TP53BP2: variants seen among roughly 807,000 people sequenced by gnomAD.
TP53BP2 encodes tumor protein p53 binding protein 2.
Under a neutral mutation model 126.2 loss-of-function variants are expected in TP53BP2, and 62 were observed. That is an observed-to-expected ratio of 0.49 (90% CI 0.40 to 0.61). TP53BP2 has a LOEUF of 0.61. TP53BP2 is among the 20% of genes least tolerant of loss of function. The pLI is 0.00. For synonymous variants in TP53BP2, 485 were observed against 502.9 expected, an observed-to-expected ratio of 0.96 and a Z score of 0.48; for missense variants, 1,215 against 1,402.8, an observed-to-expected ratio of 0.87 and a Z score of 2.14.
chr1:223,825,499 T>C (rs1230861527), intron 1 of TP53BP2, among the ~76,000 whole-genome samples: 1 of 152,214 alleles, frequency 6.6e-6, no homozygotes, highest in East Asian at 1.9e-4. Context: ...TGATTTATTT[T>C]CACGGTCAGT....
chr1:223,802,939 GA>G, intron 7 of TP53BP2, 44 bp from the exon 8 acceptor site: 1 of 1,605,656 alleles, frequency 6.2e-7, no homozygotes, highest in Non-Finnish European at 8.5e-7. Flanking sequence ...GGAGTAGGAA[GA>G]AAATGTCTCA....
At chr1:223,791,561 GCTAA>G (rs1223665529) in intron 15 of TP53BP2, among the ~76,000 whole-genome samples, 1 of 152,144 alleles carries the variant, frequency 6.6e-6, no homozygotes. Context: ...GTAATACGAG[GCTAA>G]CTGAAATGTA....
At chr1:223,845,513 G>C in intron 1 of TP53BP2, 141 bp downstream of exon 1, 2 of 965,212 alleles carry the variant, frequency 2.1e-6, no homozygotes, top group Non-Finnish European at 1.4e-6. Context: ...AAACCCGCTC[G>C]AAGCTCGGAA....
At chr1:223,836,946 A>G (rs1455238340) in intron 1 of TP53BP2, among the ~76,000 whole-genome samples, 1 of 152,104 alleles carries the variant, frequency 6.6e-6, no homozygotes, top group African/African-American at 2.4e-5. Context: ...GATACCCCCC[A>G]AACTTTTCAG....
At chr1:223,804,533 T>A (rs1662649359) in intron 5 of TP53BP2, among the ~76,000 whole-genome samples, 185 bp from the exon 6 acceptor site, 1 of 152,210 alleles carries the variant, frequency 6.6e-6, no homozygotes. Context: ...CAGATACTCC[T>A]GAGCCCACCC....
At position 223,800,594 on chromosome 1, in the gene TP53BP2, CAAA is replaced by C. The variant is rs983574753; in HGVS notation, c.1336+103_1336+105del. 2.1e-5 allele frequency: 18 copies of C among 854,046 alleles called. No individual in the cohort carries two copies. In the African/African-American group the frequency reaches 3.2e-4, roughly 15 times the overall value. The allele number at this position is 854,046 out of a possible 1,614,324, so 52.9% of individuals were successfully genotyped here. A position where few individuals can be genotyped will look rare whatever the true frequency, so the allele number is the denominator to read the frequency against. On this transcript the variant is annotated intron_variant, in intron 10 of 17. Transcript: ENST00000343537. Reference sequence around the variant, plus strand: ...AGTGAGATCCTGTCTTTAAAAAAAACAAAAAAAGGAAGAAAGAAAAGAGAAAAT... The same window carrying C: ...AGTGAGATCCTGTCTTTAAAAAAAACAAAAGGAAGAAAGAAAAGAGAAAAT...
chr1:223,793,699 G>A (rs1375106536), intron 13 of TP53BP2, among the ~76,000 whole-genome samples: 8 of 152,172 alleles, frequency 5.3e-5, no homozygotes, highest in African/African-American at 1.9e-4. Flanking sequence ...ACATAATTAC[G>A]TTTGGGTTAT....
In TP53BP2 at chr1:223,802,794, A is replaced by T. The variant is rs753991576; in HGVS notation, c.933T>A (p.Val311=). The T allele has an allele frequency of 2.5e-6, 4 of 1,614,152 alleles. No homozygotes were observed. The highest frequency in any genetic ancestry group is 1.1e-5 in the South Asian group (1 of 91,078). Residue 311 remains valine, a synonymous_variant, in exon 8 of 18, where the codon GTT becomes GTA. Coordinates refer to ENST00000343537, the MANE Select transcript of TP53BP2 (RefSeq NM_001031685.3). ...NSEVAVMDKR[V]NELRDRLWKK... The stretch of plus-strand genomic sequence containing the variant: ...TCCACAGCCGGTCCCTCAGCTCATT[A>T]ACACGCTTATCCATGACTGCCACTT...
intron 1 of TP53BP2, among the ~76,000 whole-genome samples, chr1:223,842,715 A>G (rs1249212737): frequency 6.6e-6 from 1 of 152,264 alleles, no homozygotes; most frequent in Non-Finnish European, 1.5e-5. Flanking sequence ...CACTTCACAA[A>G]ATCAAAGTAG....
intron 5 of TP53BP2, among the ~76,000 whole-genome samples, chr1:223,805,259 GA>G (rs56694177): frequency 1.3e-5 from 2 of 149,686 alleles, no homozygotes; most frequent in Admixed American, 1.3e-4. Flanking sequence ...CATCTCAAAA[GA>G]AAAAAAAACC....
intron 15 of TP53BP2, 123 bp from the exon 16 acceptor site, chr1:223,789,297 A>C (rs541485072): frequency 2.6e-6 from 3 of 1,145,574 alleles, no homozygotes; most frequent in South Asian, 3.1e-5. Context: ...AAAACCTCTT[A>C]AACAGTTTTT....
intron 1 of TP53BP2, chr1:223,834,840 A>G: frequency 1.0e-6 from 1 of 985,406 alleles, no homozygotes; most frequent in African/African-American, 1.7e-5. Context: ...ACCTCCAGCC[A>G]GAAGTAAATG....
At chr1:223,806,797 C>T (rs565808031) in intron 5 of TP53BP2, 49 bp downstream of exon 5, 4 of 1,491,306 alleles carry the variant, frequency 2.7e-6, no homozygotes, top group Admixed American at 3.4e-5. Context: ...GCACTCCAGC[C>T]TAGGCGACAG....
At chr1:223,818,814 G>C (rs533929107) in intron 2 of TP53BP2, among the ~76,000 whole-genome samples, 16 of 151,418 alleles carry the variant, frequency 1.1e-4, no homozygotes, top group Admixed American at 3.3e-4. Context: ...CCTAAACTCA[G>C]GTGATCAACC....
At chr1:223,837,145 TAA>T (rs1184963401) in intron 1 of TP53BP2, among the ~76,000 whole-genome samples, 9,439 of 62,778 alleles carry the variant, frequency 0.15, 532 homozygotes, top group African/African-American at 0.24. Context: ...GTTTTAAAAT[TAA>T]AAAAAAAAGG....
At chr1:223,784,347 T>C (rs985000728) in intron 16 of TP53BP2, 33 bp from the exon 17 acceptor site, 1 of 1,606,214 alleles carries the variant, frequency 6.2e-7, no homozygotes, top group Non-Finnish European at 8.5e-7. Flanking sequence ...AAGCACAGAA[T>C]ATACAACTTG....
At chr1:223,818,979 T>C (rs917666372) in intron 2 of TP53BP2, among the ~76,000 whole-genome samples, 1 of 148,896 alleles carries the variant, frequency 6.7e-6, no homozygotes, top group African/African-American at 2.5e-5. Context: ...AGATAGGGAG[T>C]TCGAGACCAG....
Position 223,795,987 on chromosome 1 carries a change from T to C in TP53BP2, c.2552A>G (p.Gln851Arg). 1 of 1,614,048 alleles carries C rather than the reference T, an allele frequency of 6.2e-7. No homozygotes were observed. Among genetic ancestry groups the C allele is most frequent in the South Asian group, 1.1e-5 (1 of 91,040 alleles). The stretch of plus-strand genomic sequence containing the variant: ...TGGATTTGGTTCTTCTGGGTTATTC[T>C]GGAGATTTGGGCTGTTGTCTGGGAC... The part of the protein sequence containing the change: ...EGVPDNSPNL[Q>R]NNPEEPNPEA... Residue 851 changes from glutamine (Q) to arginine (R), a missense_variant, in exon 13 of 18, where the codon CAG becomes CGG. Transcript: ENST00000343537.
At chr1:223,837,592 G>T (rs373072637) in intron 1 of TP53BP2, among the ~76,000 whole-genome samples, 5 of 149,500 alleles carry the variant, frequency 3.3e-5, no homozygotes, top group African/African-American at 7.4e-5. Context: ...AATTCTGTCA[G>T]CTGGGCCTTA....
Sources: gnomAD v4.1 joint callset for allele counts (sites outside exome capture counted in the v4.1 genomes callset) on GRCh38, gnomAD v4.1.1 for gene constraint, MANE v1.5 for transcripts, NCBI Gene and HGNC (gene_info 2026-07-23, HGNC 2026-07-21) for gene names.